The following RYR3 variants were observed in gnomAD, a reference collection of about 807,000 sequenced individuals.
RYR3 encodes the protein ryanodine receptor 3.
A neutral mutation model predicts 584.3 loss-of-function variants in RYR3; 207 were observed. That is an observed-to-expected ratio of 0.35 (90% CI 0.32 to 0.40). The LOEUF (loss-of-function observed/expected upper bound fraction) is 0.40, where lower values mean the gene tolerates loss of function less well. RYR3 is among the 10% of genes least tolerant of loss of function. The pLI is 1.00. For missense variants in RYR3, 5,616 were observed against 6,089.2 expected (o/e 0.92, Z 2.59); for synonymous variants, 2,416 against 2,248.5 (o/e 1.07, Z -2.11).
intron 19 of RYR3, among the ~76,000 whole-genome samples, chr15:33,615,565 T>A (rs1045812964): frequency 1.3e-5 from 2 of 152,350 alleles, no homozygotes; most frequent in African/African-American, 4.8e-5. Flanking sequence ...TTTGAGGTTC[T>A]TGTAACAAAT....
At chr15:33,864,270 A>AATAC in intron 103 of RYR3, 81 bp downstream of exon 103, 1 of 1,083,720 alleles carries the variant, frequency 9.2e-7, no homozygotes, top group Non-Finnish European at 1.4e-6. Context: ...GGTTATCTGA[A>AATAC]ATACATACAT....
intron 53 of RYR3, among the ~76,000 whole-genome samples, chr15:33,746,711 G>A (rs915153519): frequency 2.6e-5 from 4 of 151,572 alleles, no homozygotes; most frequent in South Asian, 2.1e-4. Flanking sequence ...CCAAGATCAC[G>A]CCACTGCACT....
At chr15:33,864,250 G>C in intron 103 of RYR3, 61 bp downstream of exon 103, 4 of 1,310,478 alleles carry the variant, frequency 3.1e-6, no homozygotes, top group Admixed American at 1.9e-5. Flanking sequence ...TTGAGACTTA[G>C]TAGGGCATAG....
At chr15:33,514,010 A>G (rs1423563136) in intron 3 of RYR3, among the ~76,000 whole-genome samples, 2 of 152,210 alleles carry the variant, frequency 1.3e-5, no homozygotes, top group Non-Finnish European at 2.9e-5. Flanking sequence ...CATTCCATGT[A>G]CTAAGTAGTT....
chr15:33,601,332 TG>T, intron 16 of RYR3, 86 bp from the exon 17 acceptor site: 1 of 1,384,590 alleles, frequency 7.2e-7, no homozygotes, highest in Non-Finnish European at 1.0e-6. Flanking sequence ...CCACCCTTTA[TG>T]GACTCCTTCC....
intron 65 of RYR3, among the ~76,000 whole-genome samples, chr15:33,784,813 T>G (rs1567165014): frequency 1.3e-5 from 2 of 152,128 alleles, no homozygotes; most frequent in Non-Finnish European, 2.9e-5. Context: ...CAGGAAAGAG[T>G]GTCCTTTACC....
chr15:33,527,650 T>C (rs2141019362), intron 3 of RYR3, among the ~76,000 whole-genome samples: 1 of 152,004 alleles, frequency 6.6e-6, no homozygotes, highest in Admixed American at 6.5e-5. Context: ...CTATCTGCCC[T>C]TTTACAGAAA....
chr15:33,554,525 T>C (rs918300601), intron 10 of RYR3, among the ~76,000 whole-genome samples: 1 of 152,138 alleles, frequency 6.6e-6, no homozygotes, highest in African/African-American at 2.4e-5. Context: ...CTCGATCTCC[T>C]GACCTCGTGA....
chr15:33,688,369 C>G (rs1300403917), intron 38 of RYR3, among the ~76,000 whole-genome samples: 1 of 151,820 alleles, frequency 6.6e-6, no homozygotes, highest in African/African-American at 2.4e-5. Context: ...GACAGGAGAT[C>G]GAGACCATCC....
intron 32 of RYR3, among the ~76,000 whole-genome samples, chr15:33,657,738 C>G (rs528636731): frequency 6.6e-6 from 1 of 152,338 alleles, no homozygotes; most frequent in African/African-American, 2.4e-5. Context: ...TTTACTGGCA[C>G]TTATCTCTTC....
At position 33,662,646 on chromosome 15, in the gene RYR3, A is replaced by G. The variant is rs750240220; in HGVS notation, c.5116A>G (p.Ser1706Gly). ...LSMLTEAVQC[S>G]GAHIRDPVGG... ...TATGCTGACAGAGGCAGTGCAGTGC[A>G]GCGGGGCCCACATCCGAGACCCTGT... The change falls in exon 35 of 104, where the codon AGC becomes GGC. Residue 1706 changes from serine to glycine, a missense_variant. Physicochemically the swap from Ser to Gly is moderately conservative, Grantham distance 56. Around this residue, in one of 9 missense-constraint regions of RYR3, gnomAD observed 753 missense variants for 741.0 expected, o/e 1.02. Transcript: ENST00000634891. The G allele has an allele frequency of 6.2e-7, 1 of 1,614,038 alleles. No individual in the cohort carries two copies. Among genetic ancestry groups the G allele is most frequent in the Non-Finnish European group, 8.5e-7 (1 of 1,179,924 alleles).
chr15:33,793,039 A>G (rs1355275144), intron 67 of RYR3, among the ~76,000 whole-genome samples: 1 of 152,198 alleles, frequency 6.6e-6, no homozygotes, highest in East Asian at 1.9e-4. Flanking sequence ...CGAACTGCAA[A>G]TTCCATGGTT....
At chr15:33,667,051 C>T (rs879667035) in intron 36 of RYR3, among the ~76,000 whole-genome samples, 10 of 152,256 alleles carry the variant, frequency 6.6e-5, no homozygotes, top group Admixed American at 3.9e-4. Flanking sequence ...AAACCACAAA[C>T]GTGACCCAAC....
At chr15:33,829,635 C>T (rs1412132578) in intron 85 of RYR3, among the ~76,000 whole-genome samples, 1 of 151,938 alleles carries the variant, frequency 6.6e-6, no homozygotes, top group African/African-American at 2.4e-5. Context: ...TGCCTGTAGT[C>T]CCAGCTACTC....
chr15:33,549,741 C>A (rs754288206), intron 9 of RYR3, among the ~76,000 whole-genome samples: 11 of 152,144 alleles, frequency 7.2e-5, no homozygotes, highest in Non-Finnish European at 1.3e-4. Flanking sequence ...TACTATTTCC[C>A]TTGAAGATAG....
chr15:33,788,340 G>C lies in RYR3; in HGVS notation c.9712G>C (p.Ala3238Pro). 1 of 1,613,978 alleles carries C rather than the reference G, an allele frequency of 6.2e-7. No homozygotes were observed. Among genetic ancestry groups the C allele is most frequent in the Non-Finnish European group, 8.5e-7 (1 of 1,179,884 alleles). Residue 3238 changes from alanine to proline, a missense_variant, in exon 67 of 104, where the codon GCC becomes CCC. This residue lies in a region of RYR3 where 954 missense variants were observed against 1,132.2 expected (regional missense o/e 0.84). Transcript: ENST00000634891. ...KTVQEEEQLKADGKGDTQEAE... is the reference protein window; with the variant it reads ...KTVQEEEQLKPDGKGDTQEAE... ...GGTGCAGGAGGAGGAGCAGTTGAAA[G>C]CCGATGGCAAAGGGGACACCCAGGA...
intron 1 of RYR3, among the ~76,000 whole-genome samples, chr15:33,313,406 C>A (rs894638608): frequency 6.6e-6 from 1 of 152,214 alleles, no homozygotes; most frequent in Non-Finnish European, 1.5e-5. Context: ...AGTACTGCAG[C>A]TTTCTGAGCT....
chr15:33,591,395 CAT>C (rs1310760526), intron 16 of RYR3, among the ~76,000 whole-genome samples: 1 of 152,176 alleles, frequency 6.6e-6, no homozygotes, highest in African/African-American at 2.4e-5. Flanking sequence ...TTGTAATCCT[CAT>C]AGCGCCAAGC....
At chr15:33,478,497 T>C (rs1035347949) in intron 2 of RYR3, among the ~76,000 whole-genome samples, 10 of 152,182 alleles carry the variant, frequency 6.6e-5, no homozygotes, top group Admixed American at 3.9e-4. Flanking sequence ...AAATACGTAT[T>C]GATAGTCTTC....
Sources: allele counts gnomAD v4.1 joint callset (sites outside exome capture counted in the v4.1 genomes callset), GRCh38; gene constraint gnomAD v4.1.1; regional missense constraint gnomAD v4.1.1; transcripts MANE v1.5; gene names NCBI Gene and HGNC (gene_info 2026-07-23, HGNC 2026-07-21).